The following TBCD variants were observed in gnomAD, a reference collection of about 807,000 sequenced individuals.
TBCD encodes the protein tubulin folding cofactor D.
TBCD carries 105 observed loss-of-function variants against 169.3 expected under a neutral mutation model. The observed-to-expected ratio is 0.62, with a 90% CI of 0.53 to 0.73. TBCD has a LOEUF of 0.73. TBCD is among the 30% of genes least tolerant of loss of function. The pLI is 0.00. For missense variants in TBCD, 1,444 were observed against 1,600.1 expected, an observed-to-expected ratio of 0.90 and a Z score of 1.66; for synonymous variants, 700 against 643.9, an observed-to-expected ratio of 1.09 and a Z score of -1.32.
chr17:82,889,583 C>T lies in TBCD; in HGVS notation c.1534-85C>T, dbSNP rs902837113. The T allele has an allele frequency of 8.5e-6, 13 of 1,535,924 alleles. No individual in the cohort carries two copies. Among genetic ancestry groups the T allele is most frequent in the South Asian group, 5.7e-5 (5 of 88,472 alleles). On this transcript the variant is annotated intron_variant, in intron 15 of 38. Coordinates refer to ENST00000355528, the MANE Select transcript of TBCD (RefSeq NM_005993.5). The surrounding 1 kb of genome is among the most constrained non-coding windows in gnomAD (Gnocchi z 5.3). ...AAAAAATAAAGCCGTGGGTCATTCA[C>T]GTTGTGCTGTTTGTTCTGAACTTGC...
rs2049525591 is a variant in TBCD, at chr17:82,789,257, A to G, written c.771+7536A>G. On this transcript the variant is annotated intron_variant, in intron 7 of 38. Coordinates refer to ENST00000355528, the MANE Select transcript of TBCD (RefSeq NM_005993.5). This position sits in a 1 kb window ranked among gnomAD's most constrained non-coding sequence, Gnocchi z 4.8. ...TAACACTCATTTCCCATCACTCAGC[A>G]TTTTATGTGGGGCGGGCACAGTGCC... is the stretch of plus-strand genomic sequence containing the variant. Among the ~76,000 whole-genome samples, 1 of 152,154 alleles carries G rather than the reference A, an allele frequency of 6.6e-6. No individual in the cohort carries two copies. Among genetic ancestry groups the G allele is most frequent in the Admixed American group, 6.5e-5 (1 of 15,274 alleles).
intron 17 of TBCD, among the ~76,000 whole-genome samples, chr17:82,898,374 G>A (rs1377806933): frequency 6.6e-6 from 1 of 151,718 alleles, no homozygotes; most frequent in Admixed American, 6.6e-5. Context: ...GCACGGCTCT[G>A]GGTTTTGGTG....
chr17:82,879,063 T>G (rs1389783000), intron 14 of TBCD, among the ~76,000 whole-genome samples: 5 of 24,562 alleles, frequency 2.0e-4, no homozygotes, highest in African/African-American at 8.3e-4. Flanking sequence ...CCTGTTCTTT[T>G]TTTTTTTTTT....
chr17:82,919,299 T>C (rs1329221769), intron 23 of TBCD, among the ~76,000 whole-genome samples: 1 of 152,148 alleles, frequency 6.6e-6, no homozygotes, highest in East Asian at 1.9e-4. Flanking sequence ...CCTCTTGGCA[T>C]GTAATCCCCA....
At chr17:82,900,945 C>T (rs571603132) in intron 18 of TBCD, among the ~76,000 whole-genome samples, 61 of 152,248 alleles carry the variant, frequency 4.0e-4, no homozygotes, top group Non-Finnish European at 7.9e-4. Context: ...CCAGTGTGTC[C>T]GACGTGGCGG....
At chr17:82,934,856 T>C (rs1370093964) in intron 34 of TBCD, among the ~76,000 whole-genome samples, 2 of 151,878 alleles carry the variant, frequency 1.3e-5, no homozygotes, top group Admixed American at 6.6e-5. Flanking sequence ...CCCAGCACTT[T>C]GGGAGGCCAA....
chr17:82,837,344 G>T (rs1290862844), intron 13 of TBCD, among the ~76,000 whole-genome samples: 1 of 152,172 alleles, frequency 6.6e-6, no homozygotes, highest in African/African-American at 2.4e-5. Flanking sequence ...TTGTACTCTG[G>T]CAGCTGCTGG....
At chr17:82,847,905 C>T (rs577598061) in intron 13 of TBCD, among the ~76,000 whole-genome samples, 6 of 152,334 alleles carry the variant, frequency 3.9e-5, no homozygotes, top group Admixed American at 1.3e-4. Flanking sequence ...ACTGGGATTA[C>T]AGGCGTGAGC....
At chr17:82,911,872 G>A (rs184054376) in intron 23 of TBCD, 83 bp downstream of exon 23, 388 of 1,458,074 alleles carry the variant, frequency 2.7e-4, no homozygotes, top group Admixed American at 9.6e-4. Context: ...CGTGCAGGGC[G>A]GCCCATTAGC....
At chr17:82,825,937 G>A (rs1406658833) in intron 13 of TBCD, among the ~76,000 whole-genome samples, 1 of 152,214 alleles carries the variant, frequency 6.6e-6, no homozygotes, top group African/African-American at 2.4e-5. Flanking sequence ...CTGCACTCCG[G>A]CCTGGGCCAG....
Position 82,920,888 on chromosome 17 carries a change from G to T in TBCD, c.2101+270G>T. The T allele has an allele frequency of 4.3e-6, 2 of 470,438 alleles. No homozygotes were observed. Among genetic ancestry groups the T allele is most frequent in the African/African-American group, 2.0e-5 (1 of 50,300 alleles). The allele number at this position is 470,438 out of a possible 1,614,324, so 29.1% of individuals were successfully genotyped here. On this transcript the variant is annotated intron_variant, in intron 24 of 38. Coordinates refer to ENST00000355528, the MANE Select transcript of TBCD (RefSeq NM_005993.5). This position sits in a 1 kb window ranked among gnomAD's most constrained non-coding sequence, Gnocchi z 4.1. ...TCCATGCCCAGGGCCCGGCACTCTG[G>T]GTCAGTTCTTCTCCCAGGCAGACAG...
chr17:82,861,494 A>C (rs1348336673), intron 13 of TBCD, among the ~76,000 whole-genome samples: 2 of 152,202 alleles, frequency 1.3e-5, no homozygotes, highest in East Asian at 1.9e-4. Context: ...GTTTATATTG[A>C]TAATCATCCC....
chr17:82,793,213 G>A (rs538550422), intron 7 of TBCD, among the ~76,000 whole-genome samples: 83 of 152,248 alleles, frequency 5.5e-4, no homozygotes, highest in African/African-American at 1.9e-3. Context: ...TTTCACTTCC[G>A]TCAATGGCTT....
rs59331670 is a variant in TBCD at position 82,917,019 on chromosome 17, C to CTTTTTTTTTTTTTTTTTT, written c.2039-3533_2039-3532insTTTTTTTTTTTTTTTTTT. On this transcript the variant is annotated intron_variant, in intron 23 of 38. Coordinates refer to ENST00000355528, the MANE Select transcript of TBCD (RefSeq NM_005993.5). ...CAGTTTGGACTTTTTTTTTTCTTTT[C>CTTTTTTTTTTTTTTTTTT]TTTTCTTTTTTTTTTTTTTGAGTTG... Among the ~76,000 whole-genome samples, 206 of 108,458 alleles carry CTTTTTTTTTTTTTTTTTT rather than the reference C, an allele frequency of 1.9e-3. 2 individuals carry two copies. Among genetic ancestry groups the CTTTTTTTTTTTTTTTTTT allele is most frequent in the Non-Finnish European group, 2.4e-3 (133 of 55,428 alleles). 71.2% of individuals were successfully genotyped at this position (108,458 alleles called of 152,430 possible).
chr17:82,929,470 C>T lies in TBCD; in HGVS notation c.2961C>T (p.Val987=), dbSNP rs371368987. Reference sequence around the variant, plus strand: ...GCTACCACGTCCTGCTGGGGCTAGTCGTGTCCCTGGGCGGCTTGACGGAGT... The same window carrying T: ...GCTACCACGTCCTGCTGGGGCTAGTTGTGTCCCTGGGCGGCTTGACGGAGT... The part of the protein sequence containing the change: ...TYRYHVLLGL[V]VSLGGLTEST... Residue 987 remains valine (V), a synonymous_variant, in exon 32 of 39, where the codon GTC becomes GTT. Coordinates refer to ENST00000355528, the MANE Select transcript of TBCD (RefSeq NM_005993.5). 83 of 1,609,748 alleles carry T rather than the reference C, an allele frequency of 5.2e-5. No homozygotes were observed. The African/African-American group carries it at 7.5e-4, about 14-fold the overall frequency.
At chr17:82,753,325 T>C (rs569026428) in intron 1 of TBCD, among the ~76,000 whole-genome samples, 11 of 152,140 alleles carry the variant, frequency 7.2e-5, no homozygotes, top group African/African-American at 2.2e-4. Context: ...TTTCTTCGGG[T>C]GTAAGCTGGG....
chr17:82,801,360 G>C (rs555266154), intron 9 of TBCD, among the ~76,000 whole-genome samples: 10 of 152,322 alleles, frequency 6.6e-5, no homozygotes, highest in Middle Eastern at 3.4e-3. Context: ...TGAGAGGAAT[G>C]GTTTTCTTTT....
At chr17:82,799,723 G>A (rs376026469) in intron 8 of TBCD, among the ~76,000 whole-genome samples, 45 of 152,280 alleles carry the variant, frequency 3.0e-4, no homozygotes, top group African/African-American at 6.5e-4. Context: ...CCGAGAACGC[G>A]AGCAGCCGTT....
rs969721908 is a variant in TBCD, at chr17:82,903,607, A to G, written c.1804+129A>G. ...TGTCTTGGTGAGAAGCATCTGAGGAAAGAGCTGTGGACTTGATCAGTGGAT... is the reference window on the plus strand; with the variant it reads ...TGTCTTGGTGAGAAGCATCTGAGGAGAGAGCTGTGGACTTGATCAGTGGAT... On this transcript the variant is annotated intron_variant, in intron 19 of 38. Coordinates refer to ENST00000355528, the MANE Select transcript of TBCD (RefSeq NM_005993.5). This position sits in a 1 kb window ranked among gnomAD's most constrained non-coding sequence, Gnocchi z 4.8. The G allele has an allele frequency of 5.2e-6, 5 of 970,626 alleles. No homozygotes were observed. In the African/African-American group the frequency reaches 6.5e-5, roughly 13 times the overall value. The allele number at this position is 970,626 out of a possible 1,614,324, so 60.1% of individuals were successfully genotyped here.
Sources: gnomAD v4.1 joint callset for allele counts (sites outside exome capture counted in the v4.1 genomes callset) on GRCh38, gnomAD v4.1.1 for gene constraint, Gnocchi (gnomAD v3.1) non-coding constraint, MANE v1.5 for transcripts, NCBI Gene and HGNC (gene_info 2026-07-23, HGNC 2026-07-21) for gene names.